Variants in CDRT4 observed in about 807,000 individuals in gnomAD.
CDRT4 encodes CMT1A duplicated region transcript 4 protein.
For synonymous variants in CDRT4, 64 were observed against 69.6 expected, an observed-to-expected ratio of 0.92 and a Z score of 0.40; for missense variants, 167 against 193.1, an observed-to-expected ratio of 0.87 and a Z score of 0.80.
Position 15,439,711 on chromosome 17 carries a change from T to C in CDRT4, c.31+497A>G, listed in dbSNP as rs59355041. ...ACCCAAATGTCCAACAATGATAGAC[T>C]GGATTAAGAAAATGTGGCACATACA... On this transcript the variant is annotated intron_variant, in intron 3 of 3. Coordinates refer to ENST00000619038, the MANE Select transcript of CDRT4 (RefSeq NM_001204477.2). 8.2e-3 allele frequency among the ~76,000 whole-genome samples: 1,254 copies of C among 152,218 alleles called. 12 individuals carry two copies. The highest frequency in any genetic ancestry group is 0.029 in the African/African-American group (1,202 of 41,542).
chr17:15,465,920 C>G (rs988575751), intron 1 of CDRT4, among the ~76,000 whole-genome samples: 2 of 152,088 alleles, frequency 1.3e-5, no homozygotes, highest in African/African-American at 4.8e-5. Context: ...AGTTGCTGCA[C>G]CTGGGGGCAG....
At chr17:15,447,087 A>ATG (rs542692825) in intron 2 of CDRT4, among the ~76,000 whole-genome samples, 121 of 152,290 alleles carry the variant, frequency 7.9e-4, no homozygotes, top group African/African-American at 2.6e-3. Context: ...AGGGTCCGCA[A>ATG]TCCAGGTTTC....
intron 3 of CDRT4, 105 bp downstream of exon 3, chr17:15,440,103 A>G: frequency 2.1e-6 from 2 of 932,670 alleles, no homozygotes; most frequent in Non-Finnish European, 3.0e-6. Context: ...ATATATATTA[A>G]AAAAAAAAAA....
At chr17:15,460,465 C>A (rs996066754) in intron 1 of CDRT4, among the ~76,000 whole-genome samples, 2 of 152,158 alleles carry the variant, frequency 1.3e-5, no homozygotes, top group Admixed American at 6.5e-5. Context: ...ACCCATTGAG[C>A]CTTCCCAGCA....
chr17:15,438,027 T>C lies in CDRT4; in HGVS notation c.205A>G (p.Lys69Glu). ...EERPWASRQN[K>E]PSSVIQPKRR... ...TTCGGCTGAATGACGCTGGAAGGTT[T>C]ATTCTGCCTTGATGCCCAGGGTCTT... Residue 69 changes from lysine to glutamate, a missense_variant, in exon 4 of 4, where the codon AAA (lysine) becomes GAA (glutamate). Coordinates refer to ENST00000619038, the MANE Select transcript of CDRT4 (RefSeq NM_001204477.2). 6.2e-7 allele frequency: 1 copy of C among 1,614,216 alleles called. No homozygotes were observed. Among genetic ancestry groups the C allele is most frequent in the African/African-American group, 1.3e-5 (1 of 75,058 alleles).
rs946308703 is a variant in CDRT4, at chr17:15,464,276, G to A, written c.-130+3184C>T. ...ACGCCAGGCAAGCCTTCAGGTTTGA[G>A]AGCTGATGCATCCATACTCCAAATA... is the stretch of plus-strand genomic sequence containing the variant. On this transcript the variant is annotated intron_variant, in intron 1 of 3. Transcript: ENST00000619038. The surrounding 1 kb of genome is among the most constrained non-coding windows in gnomAD (Gnocchi z 4.5). 6.6e-6 allele frequency among the ~76,000 whole-genome samples: 1 copy of A among 152,160 alleles called. No homozygotes were observed. The highest frequency in any genetic ancestry group is 2.4e-5 in the African/African-American group (1 of 41,418).
At chr17:15,442,274 G>A (rs1978798956) in intron 2 of CDRT4, among the ~76,000 whole-genome samples, 1 of 152,122 alleles carries the variant, frequency 6.6e-6, no homozygotes, top group African/African-American at 2.4e-5. Context: ...GCTGGGCGTG[G>A]TGATGCATGC....
intron 1 of CDRT4, among the ~76,000 whole-genome samples, chr17:15,466,130 C>A (rs1347170592): frequency 6.6e-6 from 1 of 152,154 alleles, no homozygotes; most frequent in Non-Finnish European, 1.5e-5. Flanking sequence ...CAGGTCAGCT[C>A]CCTGACCCAG....
In CDRT4 at chr17:15,436,611, TG is replaced by T. The variant is rs1190162443; in HGVS notation, c.*1161del. ...CTCTGACAAATAACAGCTGGAGTCC[TG>T]CCAGGAGCTCCTCCCCCAAGCACTT... On this transcript the variant is annotated 3_prime_UTR_variant, in exon 4 of 4. Coordinates refer to ENST00000619038, the MANE Select transcript of CDRT4 (RefSeq NM_001204477.2). 1 of 152,200 alleles carries T rather than the reference TG, an allele frequency of 6.6e-6. No homozygotes were observed. Among genetic ancestry groups the T allele is most frequent in the African/African-American group, 2.4e-5 (1 of 41,448 alleles). 9.4% of individuals were successfully genotyped at this position (152,200 alleles called of 1,614,324 possible).
chr17:15,453,641 G>C (rs181865086), intron 1 of CDRT4, among the ~76,000 whole-genome samples: 2 of 152,282 alleles, frequency 1.3e-5, no homozygotes, highest in East Asian at 3.9e-4. Context: ...CAATATTATT[G>C]TGTATGGATT....
intron 2 of CDRT4, among the ~76,000 whole-genome samples, chr17:15,451,145 C>T (rs537079642): frequency 6.6e-6 from 1 of 152,182 alleles, no homozygotes; most frequent in Admixed American, 6.5e-5. Context: ...GGGTTTTTCC[C>T]GTGCTGTTCT....
chr17:15,443,794 G>C (rs1978887734), intron 2 of CDRT4: 1 of 532,766 alleles, frequency 1.9e-6, no homozygotes, highest in South Asian at 1.5e-5. Flanking sequence ...AAAGGCTCCG[G>C]GTTGACAAAG....
chr17:15,460,978 C>T (rs982140137), intron 1 of CDRT4, among the ~76,000 whole-genome samples: 4 of 151,164 alleles, frequency 2.6e-5, no homozygotes, highest in Admixed American at 1.3e-4. Context: ...GATTGACTTT[C>T]GCAGATTTTT....
At chr17:15,460,793 C>T (rs150284012) in intron 1 of CDRT4, among the ~76,000 whole-genome samples, 176 of 152,252 alleles carry the variant, frequency 1.2e-3, no homozygotes, top group Non-Finnish European at 2.2e-3. Context: ...TTCCTCAGAG[C>T]CCTTGGGATG....
chr17:15,438,571 T>C (rs907957981), intron 3 of CDRT4, among the ~76,000 whole-genome samples: 3 of 152,204 alleles, frequency 2.0e-5, no homozygotes, highest in African/African-American at 4.8e-5. Flanking sequence ...ACAGTACACT[T>C]AGTGCTTGAA....
chr17:15,438,045 A>G lies in CDRT4; in HGVS notation c.187T>C (p.Trp63Arg), dbSNP rs761212033. ...GAAGGTTTATTCTGCCTTGATGCCC[A>G]GGGTCTTTCCTCGAGGGCACGCATG... ...ECMRALEERP[W>R]ASRQNKPSSV... The change falls in exon 4 of 4, where the codon TGG (tryptophan) becomes CGG (arginine). Residue 63 changes from tryptophan (W) to arginine (R), a missense_variant. Transcript: ENST00000619038. 1.2e-6 allele frequency: 2 copies of G among 1,614,012 alleles called. No homozygotes were observed. Among genetic ancestry groups the G allele is most frequent in the Non-Finnish European group, 1.7e-6 (2 of 1,180,044 alleles).
In CDRT4 at chr17:15,448,982, C is replaced by T. The variant is rs144878026; in HGVS notation, c.-48+4022G>A. Among the ~76,000 whole-genome samples the T allele has an allele frequency of 3.4e-3, 521 of 152,334 alleles. 13 individuals carry two copies. Among genetic ancestry groups the T allele is most frequent in the Admixed American group, 0.029 (449 of 15,298 alleles). On this transcript the variant is annotated intron_variant, in intron 2 of 3. Coordinates refer to ENST00000619038, the MANE Select transcript of CDRT4 (RefSeq NM_001204477.2). Reference sequence around the variant, plus strand: ...TCCTCTCAGTCTCCACCACCCGTGCCTCTGTGATCAGGCCACTGTTCTTAT... The same window carrying T: ...TCCTCTCAGTCTCCACCACCCGTGCTTCTGTGATCAGGCCACTGTTCTTAT...
At chr17:15,439,614 C>T (rs1490906416) in intron 3 of CDRT4, among the ~76,000 whole-genome samples, 1 of 152,236 alleles carries the variant, frequency 6.6e-6, no homozygotes, top group Non-Finnish European at 1.5e-5. Context: ...ATCTCCTGAA[C>T]ATGCTGTGTT....
At chr17:15,444,032 A>G (rs1194389967) in intron 2 of CDRT4, 3 of 829,708 alleles carry the variant, frequency 3.6e-6, no homozygotes, top group South Asian at 1.4e-5. Flanking sequence ...CCTGTTCAGT[A>G]TCTCAAACCC....
Sources: gnomAD v4.1 joint callset for allele counts (sites outside exome capture counted in the v4.1 genomes callset) on GRCh38, gnomAD v4.1.1 for gene constraint, Gnocchi (gnomAD v3.1) non-coding constraint, MANE v1.5 for transcripts, NCBI Gene and HGNC (gene_info 2026-07-23, HGNC 2026-07-21) for gene names.